CYRIB: variants seen among roughly 807,000 people sequenced by gnomAD.
CYRIB encodes the protein CYFIP-related Rac1 interactor B.
CYRIB carries 8 observed loss-of-function variants against 44.2 expected under a neutral mutation model. The ratio of observed to expected loss-of-function variants is 0.18; its 90% confidence interval spans 0.11 to 0.33. CYRIB has a LOEUF of 0.33. Among genes scored for constraint, CYRIB ranks in the 10% least tolerant of loss-of-function variants. The pLI is 1.00. For missense variants in CYRIB, 185 were observed against 382.8 expected (o/e 0.48, Z 4.31); for synonymous variants, 131 against 127.2 (o/e 1.03, Z -0.20).
intron 11 of CYRIB, among the ~76,000 whole-genome samples, chr8:129,845,690 A>G (rs1007561877): frequency 3.3e-5 from 5 of 152,220 alleles, no homozygotes; most frequent in African/African-American, 1.2e-4. Context: ...CCTACATTTT[A>G]TGTGGTAAAT....
intron 1 of CYRIB, among the ~76,000 whole-genome samples, chr8:129,972,403 CT>C: frequency 6.6e-6 from 1 of 151,948 alleles, no homozygotes; most frequent in South Asian, 2.1e-4. Flanking sequence ...TTAGGGAGCT[CT>C]CGTCTCTACA....
chr8:129,927,410 G>A (rs925485198), intron 1 of CYRIB, among the ~76,000 whole-genome samples: 3 of 152,210 alleles, frequency 2.0e-5, no homozygotes, highest in African/African-American at 7.2e-5. Context: ...GCTTCGGTCT[G>A]CTAAGAAGTT....
intron 1 of CYRIB, among the ~76,000 whole-genome samples, chr8:129,938,501 C>G (rs752645586): frequency 2.6e-5 from 4 of 152,176 alleles, no homozygotes; most frequent in Admixed American, 6.5e-5. Flanking sequence ...TACACTTACA[C>G]AGAAGTAGCA....
intron 1 of CYRIB, among the ~76,000 whole-genome samples, chr8:129,998,275 C>T (rs184410988): frequency 1.0e-3 from 156 of 152,286 alleles, no homozygotes; most frequent in African/African-American, 3.6e-3. Context: ...TCACACACTA[C>T]GTCCTTCCAA....
intron 2 of CYRIB, among the ~76,000 whole-genome samples, chr8:129,893,669 T>C (rs1300563805): frequency 6.6e-6 from 1 of 152,148 alleles, no homozygotes; most frequent in African/African-American, 2.4e-5. Context: ...TTTCCTCCCC[T>C]CCTCTCTCAC....
At position 129,900,783 on chromosome 8, in the gene CYRIB, G is replaced by A. The variant is rs530989787; in HGVS notation, c.-11+2529C>T. ...CAACCTCCGCCTCCCAGGCTCAAGC[G>A]GTTCTCGTGCTTCAGCCTCCTGGGT... On this transcript the variant is annotated intron_variant, in intron 2 of 11. Transcript: ENST00000519824. 4.9e-4 allele frequency among the ~76,000 whole-genome samples: 75 copies of A among 151,988 alleles called. 1 individual carries two copies. The highest frequency in any genetic ancestry group is 3.7e-4 in the Non-Finnish European group (25 of 67,978).
intron 2 of CYRIB, among the ~76,000 whole-genome samples, chr8:129,886,034 A>G (rs923939672): frequency 6.6e-6 from 1 of 152,134 alleles, no homozygotes; most frequent in African/African-American, 2.4e-5. Context: ...CTTCTGGGGC[A>G]CTACTTCTCC....
At chr8:130,005,084 T>C (rs2097017049) in intron 1 of CYRIB, among the ~76,000 whole-genome samples, 1 of 152,252 alleles carries the variant, frequency 6.6e-6, no homozygotes, top group Non-Finnish European at 1.5e-5. Context: ...TTTTATTTTT[T>C]ATTTTTTGCC....
At chr8:129,875,788 C>T (rs1165738687) in intron 3 of CYRIB, among the ~76,000 whole-genome samples, 1 of 152,046 alleles carries the variant, frequency 6.6e-6, no homozygotes, top group African/African-American at 2.4e-5. Flanking sequence ...ATTCACTCTC[C>T]AAAACCCAAT....
At chr8:129,865,756 T>C (rs557785023) in intron 4 of CYRIB, among the ~76,000 whole-genome samples, 1 of 152,242 alleles carries the variant, frequency 6.6e-6, no homozygotes. Context: ...CACTGGCGTA[T>C]TGTGAAACTG....
intron 2 of CYRIB, among the ~76,000 whole-genome samples, chr8:129,885,703 T>C (rs946719222): frequency 6.6e-6 from 1 of 152,122 alleles, no homozygotes; most frequent in South Asian, 2.1e-4. Context: ...TGCCTGTTGT[T>C]GAAAGCTGCT....
intron 1 of CYRIB, among the ~76,000 whole-genome samples, chr8:129,929,829 G>T (rs752790587): frequency 2.0e-5 from 3 of 152,086 alleles, no homozygotes; most frequent in Non-Finnish European, 4.4e-5. Flanking sequence ...AAACTACCTG[G>T]AATAAATTGT....
At chr8:130,003,921 T>C in intron 1 of CYRIB, among the ~76,000 whole-genome samples, 1 of 152,218 alleles carries the variant, frequency 6.6e-6, no homozygotes, top group Non-Finnish European at 1.5e-5. Context: ...GGATGGGGCC[T>C]TCAACTGCAG....
chr8:129,842,405 T>TTAGCAGC (rs1225240864), intron 11 of CYRIB, among the ~76,000 whole-genome samples, 200 bp from the exon 14 acceptor site: 1 of 152,174 alleles, frequency 6.6e-6, no homozygotes, highest in Non-Finnish European at 1.5e-5. Flanking sequence ...CAGTAGCTAT[T>TTAGCAGC]TAGCAGCTAT....
At chr8:129,877,553 G>A (rs550670219) in intron 3 of CYRIB, among the ~76,000 whole-genome samples, 2 of 151,986 alleles carry the variant, frequency 1.3e-5, no homozygotes, top group Non-Finnish European at 2.9e-5. Context: ...GGAGGCTGAG[G>A]TGGGAGGATC....
chr8:129,936,394 G>A (rs948501615), intron 1 of CYRIB, among the ~76,000 whole-genome samples: 1 of 152,138 alleles, frequency 6.6e-6, no homozygotes, highest in African/African-American at 2.4e-5. Context: ...TAACCTAATG[G>A]TTATAAGGAA....
chr8:129,852,231 A>C, exon 8 of CYRIB: 1 of 1,565,718 alleles, frequency 6.4e-7, no homozygotes, highest in East Asian at 2.4e-5. Flanking sequence ...CATAAAACAA[A>C]GACATTCGAT....
At chr8:129,846,934 T>A (rs1586898320) in intron 10 of CYRIB, 60 bp from the exon 13 acceptor site, 1 of 954,198 alleles carries the variant, frequency 1.0e-6, no homozygotes, top group South Asian at 1.5e-5. Flanking sequence ...ACATTCCTTT[T>A]CAAAATAGTA....
intron 1 of CYRIB, among the ~76,000 whole-genome samples, chr8:129,937,346 C>A (rs2092999666): frequency 6.6e-6 from 1 of 152,174 alleles, no homozygotes; most frequent in Admixed American, 6.5e-5. Context: ...TAGAAAGAGT[C>A]AAGTAACCTC....
Sources: gnomAD v4.1 joint callset for allele counts (sites outside exome capture counted in the v4.1 genomes callset) on GRCh38, gnomAD v4.1.1 for gene constraint, MANE v1.5 for transcripts, NCBI Gene and HGNC (gene_info 2026-07-23, HGNC 2026-07-21) for gene names.